Variants in FRMPD1 observed in about 807,000 individuals in gnomAD.
FRMPD1 encodes the protein FERM and PDZ domain containing 1.
FRMPD1 carries 76 observed loss-of-function variants against 117.8 expected under a neutral mutation model. That is an observed-to-expected ratio of 0.65 (90% CI 0.54 to 0.78). The LOEUF (loss-of-function observed/expected upper bound fraction) is 0.78, where lower values mean the gene tolerates loss of function less well. FRMPD1 is among the 30% of genes least tolerant of loss of function. The pLI, the probability that FRMPD1 is intolerant of heterozygous loss-of-function variation, is 0.00. For synonymous variants in FRMPD1, 783 were observed against 770.4 expected (o/e 1.02, Z -0.27); for missense variants, 1,786 against 1,964.5 (o/e 0.91, Z 1.72).
At position 37,707,503 on chromosome 9, in the gene FRMPD1, C is replaced by G; in HGVS notation, c.189C>G (p.Asp63Glu). ...GACACACAGTAAAGATAGACAAAGACACCCTCCTCCAGGACTATGGATTTC... is the reference window on the plus strand; with the variant it reads ...GACACACAGTAAAGATAGACAAAGAGACCCTCCTCCAGGACTATGGATTTC... Reference protein sequence around the residue: ...PVRHTVKIDKDTLLQDYGFHI... With the variant: ...PVRHTVKIDKETLLQDYGFHI... Residue 63 changes from aspartate to glutamate, a missense_variant, in exon 3 of 16, where the codon GAC (aspartate) becomes GAG (glutamate). Physicochemically the swap from Asp to Glu is conservative, Grantham distance 45. Coordinates refer to ENST00000377765, the MANE Select transcript of FRMPD1 (RefSeq NM_014907.3). 1 of 1,613,862 alleles carries G rather than the reference C, an allele frequency of 6.2e-7. No homozygotes were observed. Among genetic ancestry groups the G allele is most frequent in the Non-Finnish European group, 8.5e-7 (1 of 1,179,746 alleles).
chr9:37,704,370 A>G (rs532216470), intron 2 of FRMPD1, among the ~76,000 whole-genome samples: 1 of 152,282 alleles, frequency 6.6e-6, no homozygotes, highest in Non-Finnish European at 1.5e-5. Context: ...ATTGAGTTAA[A>G]TAAAATATAT....
At chr9:37,650,824 T>G (rs916968537), upstream of FRMPD1, among the ~76,000 whole-genome samples, 1 of 148,860 alleles carries the variant, frequency 6.7e-6, no homozygotes, top group Non-Finnish European at 1.5e-5. Context: ...GCGGGGCTCC[T>G]CCCCCGGGGC....
intron 2 of FRMPD1, among the ~76,000 whole-genome samples, chr9:37,704,947 TCTTCCC>T (rs957200616): frequency 6.6e-6 from 1 of 152,192 alleles, no homozygotes; most frequent in Non-Finnish European, 1.5e-5. Context: ...AATAAATCCT[TCTTCCC>T]CTGAATTACA....
At chr9:37,694,637 C>G (rs1381023286) in intron 2 of FRMPD1, among the ~76,000 whole-genome samples, 2 of 152,080 alleles carry the variant, frequency 1.3e-5, no homozygotes, top group Non-Finnish European at 2.9e-5. Context: ...CAGCCTCTGC[C>G]TTCTGCCTCG....
the FRMPD1 span, among the ~76,000 whole-genome samples, chr9:37,613,491 A>G: frequency 6.6e-6 from 1 of 152,240 alleles, no homozygotes; most frequent in South Asian, 2.1e-4. Context: ...CTTAAATACA[A>G]CAAATCATAT....
the FRMPD1 span, among the ~76,000 whole-genome samples, chr9:37,640,643 G>T: frequency 6.6e-6 from 1 of 151,672 alleles, no homozygotes; most frequent in Non-Finnish European, 1.5e-5. Context: ...CTTATTTTAA[G>T]ACAGGAAGGC....
intron 1 of FRMPD1, among the ~76,000 whole-genome samples, chr9:37,687,584 G>A (rs1430490842): frequency 3.3e-5 from 5 of 152,158 alleles, no homozygotes; most frequent in Non-Finnish European, 7.4e-5. Context: ...TGTCTTCTGT[G>A]TTTAGTCTCT....
chr9:37,660,756 G>A (rs1820977642), intron 1 of FRMPD1, among the ~76,000 whole-genome samples: 1 of 152,172 alleles, frequency 6.6e-6, no homozygotes. Context: ...CAGACAGTGT[G>A]GTCATGGGGT....
At chr9:37,637,966 T>TGC in the FRMPD1 span, among the ~76,000 whole-genome samples, 3,888 of 44,620 alleles carry the variant, frequency 0.087, 595 homozygotes, top group Non-Finnish European at 0.099. Context: ...GGTGTATGCT[T>TGC]TCTTTCTTTC....
At position 37,730,975 on chromosome 9, in the gene FRMPD1, C is replaced by G. The variant is rs1432729586; in HGVS notation, c.739-9C>G. 6.2e-7 allele frequency: 1 copy of G among 1,613,620 alleles called. No homozygotes were observed. The highest frequency in any genetic ancestry group is 1.7e-5 in the Admixed American group (1 of 60,012). ...AGGAGATTAATAGTATCTCCCTTAC[C>G]CATCGCAGGTGGTAGAAAGGGAGGA... On this transcript the variant is annotated splice_polypyrimidine_tract_variant and intron_variant, in intron 8 of 15. Transcript: ENST00000377765.
In FRMPD1 at chr9:37,707,507, C is replaced by T. The variant is rs202041675; in HGVS notation, c.193C>T (p.Leu65Phe). The change falls in exon 3 of 16, where the codon CTC becomes TTC. Residue 65 changes from leucine (L) to phenylalanine (F), a missense_variant. By Grantham distance (22) the Leu-to-Phe change is conservative. Coordinates refer to ENST00000377765, the MANE Select transcript of FRMPD1 (RefSeq NM_014907.3). The part of the protein sequence containing the change: ...RHTVKIDKDT[L>F]LQDYGFHISE... Reference sequence around the variant, plus strand: ...CACAGTAAAGATAGACAAAGACACCCTCCTCCAGGACTATGGATTTCACAT... The same window carrying T: ...CACAGTAAAGATAGACAAAGACACCTTCCTCCAGGACTATGGATTTCACAT... 11 of 1,613,932 alleles carry T rather than the reference C, an allele frequency of 6.8e-6. No homozygotes were observed. In the Admixed American group the frequency reaches 8.3e-5, roughly 12 times the overall value.
the FRMPD1 span, among the ~76,000 whole-genome samples, chr9:37,642,174 C>G: frequency 6.6e-6 from 1 of 152,222 alleles, no homozygotes; most frequent in Non-Finnish European, 1.5e-5. Flanking sequence ...AATTCTGACT[C>G]AATCACCAAC....
the FRMPD1 span, among the ~76,000 whole-genome samples, chr9:37,641,000 G>A: frequency 2.6e-5 from 4 of 152,232 alleles, no homozygotes; most frequent in South Asian, 8.3e-4. Context: ...CCATCCTCCC[G>A]CCTCAGCTAC....
rs541697537 is a variant in FRMPD1 at position 37,692,424 on chromosome 9, C to T, written c.-4-214C>T. Among the ~76,000 whole-genome samples, 53 of 152,244 alleles carry T rather than the reference C, an allele frequency of 3.5e-4. 1 individual carries two copies. In the South Asian group the frequency reaches 6.0e-3, roughly 17 times the overall value. ...ATGTTTAACTGTTTAAGATACAAAC[C>T]CAGTCTGTTTGCTGCAAGATTGAGG... On this transcript the variant is annotated intron_variant, in intron 1 of 15. Coordinates refer to ENST00000377765, the MANE Select transcript of FRMPD1 (RefSeq NM_014907.3).
chr9:37,670,278 T>C (rs1249923756), intron 1 of FRMPD1, among the ~76,000 whole-genome samples: 2 of 152,050 alleles, frequency 1.3e-5, no homozygotes, highest in African/African-American at 4.8e-5. Flanking sequence ...TATCAGGAGG[T>C]AGAGAACATG....
chr9:37,700,520 G>A (rs1822493410), intron 2 of FRMPD1, among the ~76,000 whole-genome samples: 1 of 152,192 alleles, frequency 6.6e-6, no homozygotes, highest in South Asian at 2.1e-4. Context: ...GCTGGAACTC[G>A]GAGGTGAATT....
Position 37,730,987 on chromosome 9 carries a change from G to A in FRMPD1, c.742G>A (p.Val248Ile). Residue 248 changes from valine (V) to isoleucine (I), a missense_variant, in exon 9 of 16, where the codon GTA (valine) becomes ATA (isoleucine). By Grantham distance (29) the Val-to-Ile change is conservative. Transcript: ENST00000377765. ...LHEEELIQQV[V>I]EREESHDYRC... Reference sequence around the variant, plus strand: ...GTATCTCCCTTACCCATCGCAGGTGGTAGAAAGGGAGGAGTCACATGACTA... The same window carrying A: ...GTATCTCCCTTACCCATCGCAGGTGATAGAAAGGGAGGAGTCACATGACTA... The A allele has an allele frequency of 1.2e-6, 2 of 1,613,958 alleles. No homozygotes were observed. Among genetic ancestry groups the A allele is most frequent in the Non-Finnish European group, 1.7e-6 (2 of 1,179,886 alleles).
At chr9:37,715,195 T>C (rs976743466) in intron 5 of FRMPD1, among the ~76,000 whole-genome samples, 1 of 152,204 alleles carries the variant, frequency 6.6e-6, no homozygotes, top group Non-Finnish European at 1.5e-5. Context: ...TTATTTGTAA[T>C]AATATTAATA....
At chr9:37,613,883 TG>T in the FRMPD1 span, among the ~76,000 whole-genome samples, 1 of 152,242 alleles carries the variant, frequency 6.6e-6, no homozygotes, top group African/African-American at 2.4e-5. Context: ...GACTGGAAGC[TG>T]CATAAGGGCA....
Sources: gnomAD v4.1 joint callset for allele counts (sites outside exome capture counted in the v4.1 genomes callset) on GRCh38, gnomAD v4.1.1 for gene constraint, MANE v1.5 for transcripts, NCBI Gene and HGNC (gene_info 2026-07-23, HGNC 2026-07-21) for gene names.